The following CELSR1 variants were observed in gnomAD, a reference collection of about 807,000 sequenced individuals.
CELSR1 encodes the protein cadherin EGF LAG seven-pass G-type receptor 1, also known as adhesion G protein-coupled receptor C1.
Under a neutral mutation model 249.1 loss-of-function variants are expected in CELSR1, and 110 were observed. The ratio of observed to expected loss-of-function variants is 0.44; its 90% CI spans 0.38 to 0.52. The LOEUF is 0.52. Ranked by LOEUF, CELSR1 falls within the 20% of genes least tolerant of loss-of-function variation. The pLI is 0.00. For synonymous variants in CELSR1, 2,113 were observed against 1,900.0 expected (o/e 1.11, Z -2.92); for missense variants, 4,109 against 4,296.4 (o/e 0.96, Z 1.22).
intron 32 of CELSR1, 22 bp from the exon 33 acceptor site, chr22:46,364,758 C>A: frequency 6.2e-7 from 1 of 1,601,906 alleles, no homozygotes; most frequent in Non-Finnish European, 8.5e-7. Context: ...GAGCGGTGCT[C>A]AGCAGGCAGC....
rs1288381406 is a variant in CELSR1, at chr22:46,393,248, T to C, written c.5964+894A>G. ...TACACGAAGATCCTGAAGGAGGTGA[T>C]GTATCCTGAGAGGGCTGGGGAGGGG... is the stretch of plus-strand genomic sequence containing the variant. On this transcript the variant is annotated intron_variant, in intron 14 of 34. Transcript: ENST00000674500. This position sits in a 1 kb window ranked among gnomAD's most constrained non-coding sequence, Gnocchi z 4.1. Among the ~76,000 whole-genome samples the C allele has an allele frequency of 6.6e-6, 1 of 152,102 alleles. No individual in the cohort carries two copies. The highest frequency in any genetic ancestry group is 1.5e-5 in the Non-Finnish European group (1 of 68,006).
rs2080161405 is a variant in CELSR1, at chr22:46,472,078, C to T, written c.3545-7733G>A. On this transcript the variant is annotated intron_variant, in intron 1 of 34. Transcript: ENST00000674500. The surrounding 1 kb of genome is among the most constrained non-coding windows in gnomAD (Gnocchi z 7.0). ...CAGGCCTGGAGCGGCTCCGCGGCAC[C>T]TCAAAAGCGATCAAGTGCCATCCCC... 6.6e-6 allele frequency among the ~76,000 whole-genome samples: 1 copy of T among 152,154 alleles called. No homozygotes were observed. The highest frequency in any genetic ancestry group is 1.5e-5 in the Non-Finnish European group (1 of 68,024).
chr22:46,367,684 C>T (rs373356280), intron 28 of CELSR1, 45 bp downstream of exon 28: 61 of 1,563,774 alleles, frequency 3.9e-5, no homozygotes, highest in South Asian at 2.9e-4. Context: ...GATGGTGTCA[C>T]GGCGGCCAGG....
chr22:46,471,377 A>G lies in CELSR1; in HGVS notation c.3545-7032T>C, dbSNP rs996551232. On this transcript the variant is annotated intron_variant, in intron 1 of 34. Coordinates refer to ENST00000674500, the MANE Select transcript of CELSR1 (RefSeq NM_001378328.1). The surrounding 1 kb of genome is among the most constrained non-coding windows in gnomAD (Gnocchi z 4.9). ...CTATTAGTTACGTTATTACATTAGCATGGTAGGTTTGGGGGTCTTTTGCTT... is the reference window on the plus strand; with the variant it reads ...CTATTAGTTACGTTATTACATTAGCGTGGTAGGTTTGGGGGTCTTTTGCTT... Among the ~76,000 whole-genome samples the G allele has an allele frequency of 6.6e-6, 1 of 152,070 alleles. No individual in the cohort carries two copies. Among genetic ancestry groups the G allele is most frequent in the Non-Finnish European group, 1.5e-5 (1 of 68,020 alleles).
chr22:46,474,914 G>A (rs748533382), intron 1 of CELSR1, among the ~76,000 whole-genome samples: 2 of 148,440 alleles, frequency 1.3e-5, no homozygotes, highest in East Asian at 2.1e-4. Flanking sequence ...ACAGCAAGCC[G>A]CTTCTCCCAT....
At chr22:46,443,042 G>A (rs2079772102) in intron 2 of CELSR1, among the ~76,000 whole-genome samples, 1 of 151,982 alleles carries the variant, frequency 6.6e-6, no homozygotes, top group African/African-American at 2.4e-5. Context: ...AGCTTGCAGT[G>A]AGCCGAGATC....
chr22:46,461,707 G>A (rs1297877114), intron 2 of CELSR1, among the ~76,000 whole-genome samples: 1 of 152,366 alleles, frequency 6.6e-6, no homozygotes, highest in African/African-American at 2.4e-5. Context: ...TATACAGTAG[G>A]TACTATCTGC....
rs1003774249 is a variant in CELSR1, at chr22:46,525,516, A to G, written c.3544+8111T>C. On this transcript the variant is annotated intron_variant, in intron 1 of 34. Coordinates refer to ENST00000674500, the MANE Select transcript of CELSR1 (RefSeq NM_001378328.1). ...GCATTAAGGAATTTCATTCTAGGGA[A>G]TTTGGGGCATTTATATGAACCCGTG... Among the ~76,000 whole-genome samples the G allele has an allele frequency of 3.5e-4, 53 of 152,272 alleles. 1 individual carries two copies. The highest frequency in any genetic ancestry group is 1.3e-3 in the African/African-American group (52 of 41,552).
chr22:46,418,633 G>A (rs997010463), intron 5 of CELSR1, among the ~76,000 whole-genome samples: 2 of 152,204 alleles, frequency 1.3e-5, no homozygotes, highest in African/African-American at 2.4e-5. Context: ...GAGCTAAGAC[G>A]CAAAGCCACC....
rs145900668 is a variant in CELSR1, at chr22:46,455,648, C to T, written c.4183+8059G>A. Among the ~76,000 whole-genome samples, 754 of 152,296 alleles carry T rather than the reference C, an allele frequency of 5.0e-3. 6 individuals carry two copies. Among genetic ancestry groups the T allele is most frequent in the African/African-American group, 0.017 (698 of 41,554 alleles). On this transcript the variant is annotated intron_variant, in intron 2 of 34. Transcript: ENST00000674500. ...CTTCAGCCACTCAGTTTGTGCCGAT[C>T]GGTTACAGCAGCCCCAGGAAGCTCA...
At chr22:46,479,952 CTG>C (rs1464461528) in intron 1 of CELSR1, among the ~76,000 whole-genome samples, 2 of 152,178 alleles carry the variant, frequency 1.3e-5, no homozygotes, top group Non-Finnish European at 2.9e-5. Flanking sequence ...CGACTGGACT[CTG>C]TTAATTCAGG....
At chr22:46,394,048 G>C (rs1044875744) in intron 14 of CELSR1, 94 bp downstream of exon 14, 3 of 1,493,896 alleles carry the variant, frequency 2.0e-6, no homozygotes, top group African/African-American at 1.4e-5. Context: ...AGTGTGTACC[G>C]ACAGGGTATG....
In CELSR1 at chr22:46,423,060, ACATCAGGG is replaced by A. The variant is rs1483130599; in HGVS notation, c.4611+10325_4611+10332del. Among the ~76,000 whole-genome samples the A allele has an allele frequency of 3.3e-5, 5 of 152,160 alleles. No individual in the cohort carries two copies. The highest frequency in any genetic ancestry group is 1.2e-4 in the African/African-American group (5 of 41,432). The stretch of plus-strand genomic sequence containing the variant: ...TTGGCCACATGACCTGGGCAACAGG[ACATCAGGG>A]CACAAGGACACGAGATAAGGCCTGG... On this transcript the variant is annotated intron_variant, in intron 5 of 34. Transcript: ENST00000674500. This position sits in a 1 kb window ranked among gnomAD's most constrained non-coding sequence, Gnocchi z 5.6.
chr22:46,378,528 G>A (rs1424338393), intron 23 of CELSR1, 63 bp downstream of exon 23: 1 of 1,508,564 alleles, frequency 6.6e-7, no homozygotes, highest in Non-Finnish European at 9.0e-7. Flanking sequence ...GTGCAGGTTT[G>A]GGGGGGAGGG....
chr22:46,458,788 T>A (rs1260192812), intron 2 of CELSR1, among the ~76,000 whole-genome samples: 1 of 152,222 alleles, frequency 6.6e-6, no homozygotes, highest in Non-Finnish European at 1.5e-5. Flanking sequence ...CTGTCCCACC[T>A]CCTGGGTTGT....
At chr22:46,524,576 CT>C (rs2080720655) in intron 1 of CELSR1, among the ~76,000 whole-genome samples, 5 of 115,026 alleles carry the variant, frequency 4.3e-5, no homozygotes, top group African/African-American at 1.1e-4. Flanking sequence ...GTGTGTCTGT[CT>C]GTCTGTGTGT....
chr22:46,490,064 T>G lies in CELSR1; in HGVS notation c.3545-25719A>C, dbSNP rs2080353123. Among the ~76,000 whole-genome samples the G allele has an allele frequency of 6.6e-6, 1 of 152,136 alleles. No homozygotes were observed. The highest frequency in any genetic ancestry group is 6.5e-5 in the Admixed American group (1 of 15,278). ...ACCTAACGTGGCCACCCCACAGGGC[T>G]GCACAGAGACCCAGTGAGCCGCTTT... On this transcript the variant is annotated intron_variant, in intron 1 of 34. Coordinates refer to ENST00000674500, the MANE Select transcript of CELSR1 (RefSeq NM_001378328.1). This position sits in a 1 kb window ranked among gnomAD's most constrained non-coding sequence, Gnocchi z 5.2.
At chr22:46,515,415 A>G (rs2080616801) in intron 1 of CELSR1, among the ~76,000 whole-genome samples, 1 of 152,244 alleles carries the variant, frequency 6.6e-6, no homozygotes, top group African/African-American at 2.4e-5. Context: ...ATGTTTCATC[A>G]GGGTAAAGGG....
intron 27 of CELSR1, among the ~76,000 whole-genome samples, chr22:46,368,396 C>A (rs2078811659): frequency 6.6e-6 from 1 of 152,066 alleles, no homozygotes; most frequent in African/African-American, 2.4e-5. Context: ...ACTGACAAGG[C>A]CCCAGACCCC....
Sources: gnomAD v4.1 joint callset for allele counts (sites outside exome capture counted in the v4.1 genomes callset) on GRCh38, gnomAD v4.1.1 for gene constraint, Gnocchi (gnomAD v3.1) non-coding constraint, MANE v1.5 for transcripts, NCBI Gene and HGNC (gene_info 2026-07-23, HGNC 2026-07-21) for gene names.